PRKD1: variants seen among roughly 807,000 people sequenced by gnomAD.
PRKD1 encodes the protein serine/threonine-protein kinase D1.
Under a neutral mutation model 95.9 loss-of-function variants are expected in PRKD1, and 63 were observed. That is an observed-to-expected ratio of 0.66 (90% CI 0.54 to 0.81). The LOEUF is 0.81. PRKD1 is among the 30% of genes least tolerant of loss of function. The pLI is 0.00. For missense variants in PRKD1, 1,048 were observed against 1,165.3 expected (o/e 0.90, Z 1.47); for synonymous variants, 425 against 423.1 (o/e 1.00, Z -0.05).
intron 2 of PRKD1, among the ~76,000 whole-genome samples, chr14:29,699,513 T>C (rs764282288): frequency 2.6e-4 from 39 of 152,320 alleles, no homozygotes; most frequent in Non-Finnish European, 4.4e-4. Context: ...AATTTACTTG[T>C]TTTTATTTCT....
At chr14:29,845,454 T>A (rs1032321500) in intron 1 of PRKD1, among the ~76,000 whole-genome samples, 17 of 152,162 alleles carry the variant, frequency 1.1e-4, no homozygotes, top group African/African-American at 4.1e-4. Flanking sequence ...GTTGCAAAAT[T>A]ACATTTTTTG....
intron 2 of PRKD1, among the ~76,000 whole-genome samples, chr14:29,687,131 T>C (rs1883927606): frequency 6.6e-6 from 1 of 151,670 alleles, no homozygotes; most frequent in African/African-American, 2.4e-5. Flanking sequence ...CTTTTAATAC[T>C]ATGAACTTAA....
chr14:29,689,670 A>G (rs557165586), intron 2 of PRKD1, among the ~76,000 whole-genome samples: 4 of 152,338 alleles, frequency 2.6e-5, no homozygotes, highest in Non-Finnish European at 2.9e-5. Flanking sequence ...AGATGCATGG[A>G]CGTGTATGTT....
chr14:29,577,374 C>T lies in PRKD1; in HGVS notation c.2603G>A (p.Arg868Lys), dbSNP rs1317553957. Residue 868 changes from arginine (R) to lysine (K), a missense_variant, in exon 18 of 18, where the codon AGG (arginine) becomes AAG (lysine). Arg to Lys is a conservative substitution (Grantham distance 26, BLOSUM62 2). Around this residue, in one of 3 missense-constraint regions of PRKD1, gnomAD observed 739 missense variants for 861.9 expected, o/e 0.86. Transcript: ENST00000331968. Reference protein sequence around the residue: ...RYITHESDDLRWEKYAGEQGL... With the variant: ...RYITHESDDLKWEKYAGEQGL... ...CTGCTCGCCTGCATACTTCTCCCACCTCAGGTCATCACTTTCATGGGTGAT... is the reference window on the plus strand; with the variant it reads ...CTGCTCGCCTGCATACTTCTCCCACTTCAGGTCATCACTTTCATGGGTGAT... 1 of 1,613,780 alleles carries T rather than the reference C, an allele frequency of 6.2e-7. No individual in the cohort carries two copies. Among genetic ancestry groups the T allele is most frequent in the Non-Finnish European group, 8.5e-7 (1 of 1,179,798 alleles).
At chr14:29,688,703 AG>A (rs777633017) in intron 2 of PRKD1, among the ~76,000 whole-genome samples, 257 of 152,236 alleles carry the variant, frequency 1.7e-3, no homozygotes, top group Admixed American at 4.3e-3. Context: ...AAGCCAAGGC[AG>A]GCTGATTGCC....
Position 29,576,786 on chromosome 14 carries a change from C to T in PRKD1, c.*452G>A. On this transcript the variant is annotated 3_prime_UTR_variant, in exon 18 of 18. Coordinates refer to ENST00000331968, the MANE Select transcript of PRKD1 (RefSeq NM_002742.3). ...CCTACCCTCCTCATTCATTTTTTTC[C>T]CACATGGGTTTTGGAGTTGTTCATA... is the stretch of plus-strand genomic sequence containing the variant. The T allele has an allele frequency of 5.8e-6, 1 of 173,468 alleles. No homozygotes were observed. Among genetic ancestry groups the T allele is most frequent in the Non-Finnish European group, 1.3e-5 (1 of 78,944 alleles). 10.7% of individuals were successfully genotyped at this position (173,468 alleles called of 1,614,324 possible).
chr14:29,675,533 A>T (rs1883105526), intron 2 of PRKD1, among the ~76,000 whole-genome samples: 1 of 152,202 alleles, frequency 6.6e-6, no homozygotes. Flanking sequence ...TGTTGGTGAG[A>T]CTGTAAACTA....
chr14:29,657,731 G>C (rs2139195474), intron 4 of PRKD1: 1 of 152,664 alleles, frequency 6.6e-6, no homozygotes, highest in South Asian at 2.1e-4. Context: ...GCCGGGCGTG[G>C]TGGCGGGCGC....
At chr14:29,728,448 C>CT (rs1433266760) in intron 1 of PRKD1, among the ~76,000 whole-genome samples, 2 of 152,132 alleles carry the variant, frequency 1.3e-5, no homozygotes, top group Non-Finnish European at 2.9e-5. Flanking sequence ...CAATGTTAAC[C>CT]TCAGGCACAG....
chr14:29,705,659 C>A (rs920543777), intron 2 of PRKD1, among the ~76,000 whole-genome samples: 3 of 152,034 alleles, frequency 2.0e-5, no homozygotes, highest in African/African-American at 7.2e-5. Flanking sequence ...AAGCCTATGG[C>A]AACCACTAAT....
intron 1 of PRKD1, among the ~76,000 whole-genome samples, chr14:29,925,275 G>T (rs527283481): frequency 1.2e-4 from 19 of 152,252 alleles, no homozygotes; most frequent in African/African-American, 4.1e-4. Context: ...GCTCATGACT[G>T]AACTTCGGTG....
At chr14:29,922,755 A>T (rs1280461452) in intron 1 of PRKD1, among the ~76,000 whole-genome samples, 3 of 152,166 alleles carry the variant, frequency 2.0e-5, no homozygotes, top group African/African-American at 7.2e-5. Flanking sequence ...ATGTGGTGGC[A>T]CACACTTGTA....
chr14:29,581,684 G>A (rs1214069053), intron 16 of PRKD1, among the ~76,000 whole-genome samples: 2 of 152,126 alleles, frequency 1.3e-5, no homozygotes, highest in Admixed American at 6.6e-5. Context: ...TACATTCTTA[G>A]TTATGTTTCC....
At chr14:29,722,950 GA>G (rs1885969850) in intron 2 of PRKD1, among the ~76,000 whole-genome samples, 2 of 152,120 alleles carry the variant, frequency 1.3e-5, no homozygotes, top group African/African-American at 4.8e-5. Flanking sequence ...AAAAGTCAGG[GA>G]ACAGGAATGT....
chr14:29,701,029 G>T (rs996095318), intron 2 of PRKD1, among the ~76,000 whole-genome samples: 1 of 127,702 alleles, frequency 7.8e-6, no homozygotes. Flanking sequence ...TGGGAACTCT[G>T]GGAATCCTAC....
intron 1 of PRKD1, among the ~76,000 whole-genome samples, chr14:29,736,436 A>G (rs1454574962): frequency 1.3e-5 from 2 of 152,350 alleles, no homozygotes; most frequent in Admixed American, 6.5e-5. Context: ...TCAGAGAACA[A>G]CATTCCCTAA....
chr14:29,796,516 A>G (rs1177294148), intron 1 of PRKD1, among the ~76,000 whole-genome samples: 2 of 152,172 alleles, frequency 1.3e-5, no homozygotes, highest in Non-Finnish European at 2.9e-5. Context: ...TCTATAAATC[A>G]TATTTAATGT....
At chr14:29,690,356 C>T (rs1275488742) in intron 2 of PRKD1, among the ~76,000 whole-genome samples, 2 of 152,172 alleles carry the variant, frequency 1.3e-5, no homozygotes, top group African/African-American at 4.8e-5. Flanking sequence ...CCAAATTCAA[C>T]AACTTCTCTA....
chr14:29,707,068 G>C (rs1885125898), intron 2 of PRKD1, among the ~76,000 whole-genome samples: 1 of 152,188 alleles, frequency 6.6e-6, no homozygotes, highest in Non-Finnish European at 1.5e-5. Flanking sequence ...CCATATACTA[G>C]AATCGGGTAG....
Sources: allele counts gnomAD v4.1 joint callset (sites outside exome capture counted in the v4.1 genomes callset), GRCh38; gene constraint gnomAD v4.1.1; regional missense constraint gnomAD v4.1.1; transcripts MANE v1.5; gene names NCBI Gene and HGNC (gene_info 2026-07-23, HGNC 2026-07-21).